NRXN1: variants seen among roughly 807,000 people sequenced by gnomAD.
NRXN1 encodes neurexin-1.
In NRXN1, 39 loss-of-function variants were observed where a neutral mutation model predicts 150.9. That is an observed-to-expected ratio of 0.26 (90% CI 0.20 to 0.34). The LOEUF (loss-of-function observed/expected upper bound fraction) is 0.34, where lower values mean the gene tolerates loss of function less well. Ranked by LOEUF, NRXN1 falls within the 10% of genes least tolerant of loss-of-function variation. The pLI is 1.00. For missense variants in NRXN1, 1,815 were observed against 1,949.9 expected (o/e 0.93, Z 1.30); for synonymous variants, 924 against 757.0 (o/e 1.22, Z -3.62).
chr2:50,481,168 C>A (rs2090429695), intron 15 of NRXN1, among the ~76,000 whole-genome samples: 1 of 152,234 alleles, frequency 6.6e-6, no homozygotes, highest in African/African-American at 2.4e-5. Flanking sequence ...TTAATCCAGA[C>A]TGACACGCAC....
Position 50,053,456 on chromosome 2 carries a change from C to T in NRXN1, c.3943G>A (p.Asp1315Asn), listed in dbSNP as rs1379894660. Residue 1315 changes from aspartate (D) to asparagine (N), a missense_variant, in exon 21 of 23, where the codon GAT becomes AAT. Physicochemically the swap from Asp to Asn is conservative, Grantham distance 23. Around this residue, in one of 6 missense-constraint regions of NRXN1, gnomAD observed 265 missense variants for 307.1 expected, o/e 0.86. Transcript: ENST00000401669. Reference protein sequence around the residue: ...LKVLNMAAENDANIAIVGNVR... With the variant: ...LKVLNMAAENNANIAIVGNVR... ...TTTCCCACTATGGCGATGTTGGCAT[C>T]GTTTTCGGCTGCCATATTCAGAACT... The T allele has an allele frequency of 2.5e-6, 4 of 1,613,882 alleles. No individual in the cohort carries two copies. In the African/African-American group the frequency reaches 4.0e-5, roughly 16 times the overall value.
At position 50,069,688 on chromosome 2, in the gene NRXN1, G is replaced by C. The variant is rs1389467530; in HGVS notation, c.3719-14644C>G. Among the ~76,000 whole-genome samples, 5 of 151,898 alleles carry C rather than the reference G, an allele frequency of 3.3e-5. No individual in the cohort carries two copies. In the East Asian group the frequency reaches 9.7e-4, roughly 29 times the overall value. ...CTGAAACGTTTCATGTTTTAAGCTT[G>C]TCTTCTTTCCACTTTGTGCTATACA... On this transcript the variant is annotated intron_variant, in intron 19 of 22. Transcript: ENST00000401669.
At chr2:50,951,963 ATT>A (rs1295565122) in intron 2 of NRXN1, among the ~76,000 whole-genome samples, 4 of 74,814 alleles carry the variant, frequency 5.3e-5, no homozygotes, top group African/African-American at 1.1e-4. Context: ...ATATATATAT[ATT>A]TTTTTTTTTT....
In NRXN1 at chr2:50,315,299, A is replaced by G. The variant is rs1388617523; in HGVS notation, c.3365-78329T>C. Among the ~76,000 whole-genome samples the G allele has an allele frequency of 5.3e-5, 8 of 152,120 alleles. No homozygotes were observed. The East Asian group carries it at 1.5e-3, about 29-fold the overall frequency. On this transcript the variant is annotated intron_variant, in intron 17 of 22. Coordinates refer to ENST00000401669, the MANE Select transcript of NRXN1 (RefSeq NM_001330078.2). ...TGAACAGGCAATTAAAAGTTACTGA[A>G]CTGCAAGGTAAAATTACTTCCCTGC...
chr2:50,128,817 T>C (rs1705005111), intron 18 of NRXN1, among the ~76,000 whole-genome samples: 1 of 151,734 alleles, frequency 6.6e-6, no homozygotes, highest in South Asian at 2.1e-4. Context: ...ACCACATCTC[T>C]ATTAAAACTA....
At chr2:50,379,349 A>C (rs566089178) in intron 17 of NRXN1, among the ~76,000 whole-genome samples, 1 of 152,128 alleles carries the variant, frequency 6.6e-6, no homozygotes, top group Non-Finnish European at 1.5e-5. Flanking sequence ...CTGGAAAAAA[A>C]GGGGATGGAA....
chr2:50,343,064 C>T (rs2077668449), intron 17 of NRXN1, among the ~76,000 whole-genome samples: 1 of 152,232 alleles, frequency 6.6e-6, no homozygotes, highest in Admixed American at 6.5e-5. Context: ...ACAAACCACA[C>T]TTTTAAAATC....
At chr2:51,001,595 TCAGA>T (rs1178052820) in intron 2 of NRXN1, among the ~76,000 whole-genome samples, 3 of 151,972 alleles carry the variant, frequency 2.0e-5, no homozygotes, top group South Asian at 2.1e-4. Flanking sequence ...AATAATACTC[TCAGA>T]CAGAGCATTT....
intron 17 of NRXN1, among the ~76,000 whole-genome samples, chr2:50,330,210 A>G (rs949742377): frequency 6.6e-6 from 1 of 152,136 alleles, no homozygotes; most frequent in Non-Finnish European, 1.5e-5. Context: ...AAGGCAAACT[A>G]CTAAAAGGAA....
At chr2:50,708,454 C>T (rs1015814408) in intron 5 of NRXN1, among the ~76,000 whole-genome samples, 5 of 152,244 alleles carry the variant, frequency 3.3e-5, no homozygotes, top group African/African-American at 1.2e-4. Flanking sequence ...GTTGTTGCTG[C>T]TGGGAACAGG....
At chr2:50,344,675 A>ACGG (rs1399333656) in intron 17 of NRXN1, among the ~76,000 whole-genome samples, 1 of 152,090 alleles carries the variant, frequency 6.6e-6, no homozygotes, top group Non-Finnish European at 1.5e-5. Flanking sequence ...AGGCCAGCAG[A>ACGG]CGGCGCCTGA....
At chr2:50,307,456 A>T (rs981862016) in intron 17 of NRXN1, among the ~76,000 whole-genome samples, 1 of 152,194 alleles carries the variant, frequency 6.6e-6, no homozygotes, top group Non-Finnish European at 1.5e-5. Flanking sequence ...GGAAGGCTCC[A>T]TTTGATGACA....
intron 18 of NRXN1, among the ~76,000 whole-genome samples, chr2:50,228,358 G>A (rs1016973548): frequency 1.6e-4 from 24 of 151,920 alleles, no homozygotes; most frequent in Non-Finnish European, 2.4e-4. Context: ...TGAGAGACAT[G>A]GTAGCAATTC....
chr2:50,746,979 T>C (rs1700098776), intron 5 of NRXN1, among the ~76,000 whole-genome samples: 1 of 152,126 alleles, frequency 6.6e-6, no homozygotes, highest in African/African-American at 2.4e-5. Context: ...TGAAGACTGC[T>C]CACACTCCTG....
At chr2:50,785,127 T>A (rs1449364364) in intron 5 of NRXN1, among the ~76,000 whole-genome samples, 2 of 151,748 alleles carry the variant, frequency 1.3e-5, no homozygotes, top group Admixed American at 1.3e-4. Context: ...AAAGACCATG[T>A]GAGGACACAG....
chr2:50,789,469 G>C (rs1299353545), intron 5 of NRXN1, among the ~76,000 whole-genome samples: 2 of 152,070 alleles, frequency 1.3e-5, no homozygotes, highest in East Asian at 3.9e-4. Context: ...TTAAAATATT[G>C]CTTCATGCTA....
Position 50,346,609 on chromosome 2 carries a change from C to A in NRXN1, c.3365-109639G>T, listed in dbSNP as rs1043367445. The A allele has an allele frequency of 4.1e-6, 6 of 1,462,228 alleles. No homozygotes were observed. Among genetic ancestry groups the A allele is most frequent in the Non-Finnish European group, 4.8e-6 (5 of 1,047,564 alleles). 90.6% of individuals were successfully genotyped at this position (1,462,228 alleles called of 1,614,324 possible). A position where few individuals can be genotyped will look rare whatever the true frequency, so the allele number is the denominator to read the frequency against. The stretch of plus-strand genomic sequence containing the variant: ...TTTGTCGAGCTCCCATTTCTCTGAG[C>A]CTTAGGAGCCCAGGAGCGAGTGCAG... On this transcript the variant is annotated intron_variant, in intron 17 of 22. Transcript: ENST00000401669. The surrounding 1 kb of genome is among the most constrained non-coding windows in gnomAD (Gnocchi z 5.0).
intron 22 of NRXN1, among the ~76,000 whole-genome samples, chr2:49,936,318 C>T (rs984106917): frequency 6.6e-6 from 1 of 152,206 alleles, no homozygotes; most frequent in Non-Finnish European, 1.5e-5. Flanking sequence ...AGATCAAATG[C>T]ATAATGCCTT....
At chr2:50,948,693 C>T (rs923105811) in intron 2 of NRXN1, among the ~76,000 whole-genome samples, 5 of 152,006 alleles carry the variant, frequency 3.3e-5, no homozygotes, top group African/African-American at 9.7e-5. Flanking sequence ...TTTGGAACCT[C>T]AGAGTAGCCA....
Sources: allele counts gnomAD v4.1 joint callset (sites outside exome capture counted in the v4.1 genomes callset), GRCh38; gene constraint gnomAD v4.1.1; regional missense constraint gnomAD v4.1.1; non-coding constraint Gnocchi (gnomAD v3.1); transcripts MANE v1.5; gene names NCBI Gene and HGNC (gene_info 2026-07-23, HGNC 2026-07-21).